Variants in HEATR5B observed in about 807,000 individuals in gnomAD.
HEATR5B encodes the protein HEAT repeat-containing protein 5B.
Under a neutral mutation model 224.1 loss-of-function variants are expected in HEATR5B, and 156 were observed. The ratio of observed to expected loss-of-function variants is 0.70; its 90% CI spans 0.61 to 0.80. HEATR5B has a LOEUF of 0.80. Ranked by LOEUF, HEATR5B falls within the 30% of genes least tolerant of loss-of-function variation. The pLI is 0.00. For synonymous variants in HEATR5B, 1,027 were observed against 893.0 expected (o/e 1.15, Z -2.68); for missense variants, 2,323 against 2,535.5 (o/e 0.92, Z 1.80).
chr2:36,985,550 T>C (rs1197385205), intron 35 of HEATR5B, among the ~76,000 whole-genome samples: 3 of 144,488 alleles, frequency 2.1e-5, no homozygotes, highest in Non-Finnish European at 3.0e-5. Context: ...CTCTGCCTCC[T>C]GGGTTCAAGC....
At chr2:37,042,396 C>A (rs1669926897) in intron 18 of HEATR5B, among the ~76,000 whole-genome samples, 1 of 152,030 alleles carries the variant, frequency 6.6e-6, no homozygotes, top group Admixed American at 6.6e-5. Context: ...TTTTAGGCAC[C>A]AAGAAGGATA....
In HEATR5B at chr2:37,049,846, A is replaced by G; in HGVS notation, c.2506-3T>C. Reference sequence around the variant, plus strand: ...GTACTTTTGTTTTCAGCTAAGCCCTACATTAAAAAAAAAAAAAAAAAAAAG... The same window carrying G: ...GTACTTTTGTTTTCAGCTAAGCCCTGCATTAAAAAAAAAAAAAAAAAAAAG... On this transcript the variant is annotated splice_polypyrimidine_tract_variant and splice_region_variant and intron_variant, in intron 17 of 35. Coordinates refer to ENST00000233099, the MANE Select transcript of HEATR5B (RefSeq NM_019024.3). 7 of 1,357,372 alleles carry G rather than the reference A, an allele frequency of 5.2e-6. No individual in the cohort carries two copies. The highest frequency in any genetic ancestry group is 6.7e-6 in the Non-Finnish European group (7 of 1,043,090). 84.1% of individuals were successfully genotyped at this position (1,357,372 alleles called of 1,614,324 possible). A position where few individuals can be genotyped will look rare whatever the true frequency, so the allele number is the denominator to read the frequency against.
At chr2:37,058,617 A>G in intron 13 of HEATR5B, 57 bp from the exon 14 acceptor site, 2 of 1,227,610 alleles carry the variant, frequency 1.6e-6, no homozygotes, top group East Asian at 2.4e-5. Flanking sequence ...TTACTTATAA[A>G]TTTTTTTAGC....
chr2:37,026,507 A>G (rs1668785052), intron 24 of HEATR5B, among the ~76,000 whole-genome samples: 1 of 152,188 alleles, frequency 6.6e-6, no homozygotes, highest in Non-Finnish European at 1.5e-5. Context: ...TTTATAGGAA[A>G]TGAATACCAT....
chr2:36,996,040 T>C (rs889830655), intron 33 of HEATR5B, among the ~76,000 whole-genome samples: 2 of 150,648 alleles, frequency 1.3e-5, no homozygotes, highest in Non-Finnish European at 3.0e-5. Flanking sequence ...CACACGTCAC[T>C]GCGCTCAACT....
At chr2:37,003,935 T>C (rs777214229) in intron 30 of HEATR5B, among the ~76,000 whole-genome samples, 1 of 152,186 alleles carries the variant, frequency 6.6e-6, no homozygotes, top group Non-Finnish European at 1.5e-5. Context: ...TCAGAGATGA[T>C]CATTCTCCTA....
chr2:37,067,471 T>A (rs1211247526), intron 8 of HEATR5B, among the ~76,000 whole-genome samples: 3 of 152,180 alleles, frequency 2.0e-5, no homozygotes, highest in Non-Finnish European at 1.5e-5. Context: ...CTCTATACAT[T>A]TAAAACTAGT....
intron 24 of HEATR5B, among the ~76,000 whole-genome samples, chr2:37,027,389 G>T (rs1316267612): frequency 6.6e-6 from 1 of 151,820 alleles, no homozygotes; most frequent in African/African-American, 2.4e-5. Context: ...GGGGATACAT[G>T]GTATAAAAAG....
At chr2:36,981,857 T>C (rs1572718465) in intron 35 of HEATR5B, 63 bp from the exon 36 acceptor site, 2 of 1,254,252 alleles carry the variant, frequency 1.6e-6, no homozygotes, top group East Asian at 2.4e-5. Context: ...CTTTAAAAAC[T>C]AGGCAATTGC....
At chr2:36,996,917 G>T (rs540893915) in intron 33 of HEATR5B, among the ~76,000 whole-genome samples, 2 of 151,788 alleles carry the variant, frequency 1.3e-5, no homozygotes, top group Admixed American at 1.3e-4. Flanking sequence ...TAGTAGAAAC[G>T]GGGTTTCACC....
intron 18 of HEATR5B, among the ~76,000 whole-genome samples, chr2:37,045,548 T>C (rs1157502977): frequency 6.6e-6 from 1 of 152,234 alleles, no homozygotes; most frequent in Non-Finnish European, 1.5e-5. Flanking sequence ...CTGTGAGTTC[T>C]GAAAATTGTT....
intron 5 of HEATR5B, among the ~76,000 whole-genome samples, chr2:37,072,925 G>T (rs1671993036): frequency 2.6e-5 from 4 of 152,164 alleles, no homozygotes; most frequent in Non-Finnish European, 5.9e-5. Context: ...CAGATAACCT[G>T]AATAGCCCAG....
At chr2:37,036,992 C>T (rs543057666) in intron 21 of HEATR5B, among the ~76,000 whole-genome samples, 3 of 151,492 alleles carry the variant, frequency 2.0e-5, no homozygotes, top group African/African-American at 7.3e-5. Flanking sequence ...ACAAATGTAT[C>T]TCCAGTAGGT....
chr2:37,073,740 T>C (rs898462753), intron 5 of HEATR5B, among the ~76,000 whole-genome samples: 3 of 152,198 alleles, frequency 2.0e-5, no homozygotes, highest in Non-Finnish European at 2.9e-5. Flanking sequence ...CCAAATTCAA[T>C]GCAACCTGAA....
intron 21 of HEATR5B, among the ~76,000 whole-genome samples, chr2:37,037,202 G>C (rs1489066898): frequency 7.2e-6 from 1 of 138,712 alleles, no homozygotes; most frequent in African/African-American, 2.7e-5. Flanking sequence ...CTGGAATGCA[G>C]TGGTGCGATC....
At chr2:36,997,739 T>C (rs1666822786) in intron 33 of HEATR5B, among the ~76,000 whole-genome samples, 1 of 151,942 alleles carries the variant, frequency 6.6e-6, no homozygotes, top group South Asian at 2.1e-4. Context: ...GCTAATTTTT[T>C]GTATCTTTAG....
chr2:37,083,543 G>T, intron 1 of HEATR5B, 107 bp from the exon 2 acceptor site: 1 of 804,174 alleles, frequency 1.2e-6, no homozygotes, highest in Non-Finnish European at 1.9e-6. Flanking sequence ...ATTTCATTTG[G>T]GGAAAAACTC....
chr2:37,008,922 A>G (rs1287757201), intron 27 of HEATR5B, 74 bp from the exon 28 acceptor site: 1 of 958,412 alleles, frequency 1.0e-6, no homozygotes, highest in African/African-American at 1.6e-5. Flanking sequence ...TTATTATAAA[A>G]ATACAGTTAA....
rs545643177 is a variant in HEATR5B, at chr2:37,069,080, T to C, written c.928-150A>G. ...AGAAAATTTAAACTTGAGGTCTTTT[T>C]ACTACTTCTGGAATACGAATTATTA... On this transcript the variant is annotated intron_variant, in intron 7 of 35. Transcript: ENST00000233099. 230 of 809,512 alleles carry C rather than the reference T, an allele frequency of 2.8e-4. 1 individual carries two copies. The African/African-American group carries it at 3.5e-3, about 12-fold the overall frequency. The allele number at this position is 809,512 out of a possible 1,614,324, so 50.1% of individuals were successfully genotyped here.
Sources: allele counts gnomAD v4.1 joint callset (sites outside exome capture counted in the v4.1 genomes callset), GRCh38; gene constraint gnomAD v4.1.1; transcripts MANE v1.5; gene names NCBI Gene and HGNC (gene_info 2026-07-23, HGNC 2026-07-21).